The following CNTN5 variants were observed in gnomAD, a reference collection of about 807,000 sequenced individuals.
CNTN5 encodes the protein contactin-5.
In CNTN5, 77 loss-of-function variants were observed where a neutral mutation model predicts 129.1. The ratio of observed to expected loss-of-function variants is 0.60; its 90% CI spans 0.50 to 0.72. The LOEUF (loss-of-function observed/expected upper bound fraction) is 0.72, where lower values mean the gene tolerates loss of function less well. Ranked by LOEUF, CNTN5 falls within the 30% of genes least tolerant of loss-of-function variation. CNTN5 has a pLI of 0.00. For missense variants in CNTN5, 1,478 were observed against 1,328.8 expected, an observed-to-expected ratio of 1.11 and a Z score of -1.75; for synonymous variants, 509 against 465.6, an observed-to-expected ratio of 1.09 and a Z score of -1.20.
intron 4 of CNTN5, among the ~76,000 whole-genome samples, chr11:99,829,580 C>T (rs1328916864): frequency 6.6e-6 from 1 of 152,144 alleles, no homozygotes; most frequent in Non-Finnish European, 1.5e-5. Flanking sequence ...CCAGAAAAGT[C>T]CTCAGTATCT....
At chr11:100,117,891 A>G (rs1209758334) in intron 13 of CNTN5, among the ~76,000 whole-genome samples, 2 of 151,892 alleles carry the variant, frequency 1.3e-5, no homozygotes, top group African/African-American at 4.8e-5. Flanking sequence ...TGTATAATGT[A>G]TCTTGGGCTA....
At chr11:99,316,297 C>T (rs569197658) in intron 1 of CNTN5, among the ~76,000 whole-genome samples, 46 of 152,210 alleles carry the variant, frequency 3.0e-4, no homozygotes, top group African/African-American at 1.1e-3. Context: ...TCCCATCCCT[C>T]GAAAAAGACA....
chr11:99,194,991 T>G (rs1446401567), intron 1 of CNTN5, among the ~76,000 whole-genome samples: 1 of 152,124 alleles, frequency 6.6e-6, no homozygotes, highest in Non-Finnish European at 1.5e-5. Flanking sequence ...GTGACAGAAT[T>G]TACAGCCCCC....
At chr11:99,479,706 C>T (rs913854199) in intron 2 of CNTN5, among the ~76,000 whole-genome samples, 6 of 151,866 alleles carry the variant, frequency 4.0e-5, no homozygotes, top group Non-Finnish European at 8.8e-5. Flanking sequence ...GGCTCCGGTT[C>T]TCTAAATATG....
At chr11:99,518,837 C>A (rs533675882) in intron 2 of CNTN5, among the ~76,000 whole-genome samples, 1 of 152,118 alleles carries the variant, frequency 6.6e-6, no homozygotes, top group African/African-American at 2.4e-5. Flanking sequence ...ACCTCCAGTG[C>A]AACACTTTAC....
chr11:99,580,107 G>T (rs1222376176), intron 3 of CNTN5, among the ~76,000 whole-genome samples: 2 of 152,112 alleles, frequency 1.3e-5, no homozygotes, highest in East Asian at 3.9e-4. Context: ...TTTGTCTTTG[G>T]TTCTGTTTAG....
rs568855148 is a variant in CNTN5, at chr11:99,248,555, G to A, written c.-209-76791G>A. 3.6e-3 allele frequency among the ~76,000 whole-genome samples: 550 copies of A among 152,174 alleles called. 3 individuals are homozygous for A. The highest frequency in any genetic ancestry group is 0.011 in the African/African-American group (471 of 41,532). ...CCTTGCCCATGCCTATGTCCTGAAT[G>A]GTATTGCCTAGGTTTTCTTCTAGGA... On this transcript the variant is annotated intron_variant, in intron 1 of 24. Coordinates refer to ENST00000524871, the MANE Select transcript of CNTN5 (RefSeq NM_014361.4).
At chr11:99,433,081 A>G (rs11219885) in intron 2 of CNTN5, among the ~76,000 whole-genome samples, 27,967 of 151,162 alleles carry the variant, frequency 0.19, 2,750 homozygotes, top group Middle Eastern at 0.31. Context: ...GGAACTTTTC[A>G]GAGGATGGAA....
intron 3 of CNTN5, among the ~76,000 whole-genome samples, chr11:99,717,092 T>C (rs77310610): frequency 0.022 from 3,389 of 152,162 alleles, 127 homozygotes; most frequent in African/African-American, 0.076. Context: ...AACCCACAAA[T>C]TGTATATTGT....
rs141480206 is a variant in CNTN5, at chr11:100,040,800, G to T, written c.981-20412G>T. ...CAAGTGCGGGATATAATCTCCTGGT[G>T]TGCCATTTTTTTAAGCCCATTGGAA... On this transcript the variant is annotated intron_variant, in intron 9 of 24. Coordinates refer to ENST00000524871, the MANE Select transcript of CNTN5 (RefSeq NM_014361.4). Among the ~76,000 whole-genome samples, 1,345 of 152,282 alleles carry T rather than the reference G, an allele frequency of 8.8e-3. 6 individuals are homozygous for T. The highest frequency in any genetic ancestry group is 0.018 in the South Asian group (87 of 4,808).
At chr11:99,638,447 C>A (rs1951645409) in intron 3 of CNTN5, among the ~76,000 whole-genome samples, 1 of 152,100 alleles carries the variant, frequency 6.6e-6, no homozygotes, top group African/African-American at 2.4e-5. Flanking sequence ...TCAACAGTCC[C>A]CCAAACTCTC....
At chr11:99,335,408 T>C (rs960458398) in intron 2 of CNTN5, among the ~76,000 whole-genome samples, 2 of 152,088 alleles carry the variant, frequency 1.3e-5, no homozygotes, top group Non-Finnish European at 2.9e-5. Flanking sequence ...ACATTTTTTA[T>C]AATAAAATTG....
intron 6 of CNTN5, among the ~76,000 whole-genome samples, chr11:99,874,007 A>C (rs1948571212): frequency 6.6e-6 from 1 of 152,144 alleles, no homozygotes; most frequent in Non-Finnish European, 1.5e-5. Flanking sequence ...TGGGAGCTAA[A>C]CAATGGGTAA....
At chr11:99,298,720 T>C (rs1259246007) in intron 1 of CNTN5, among the ~76,000 whole-genome samples, 1 of 152,110 alleles carries the variant, frequency 6.6e-6, no homozygotes, top group African/African-American at 2.4e-5. Flanking sequence ...GATTAAAAAC[T>C]GCCTAAATCC....
intron 13 of CNTN5, among the ~76,000 whole-genome samples, chr11:100,173,713 T>G (rs1202313009): frequency 1.3e-5 from 2 of 152,124 alleles, no homozygotes; most frequent in Non-Finnish European, 2.9e-5. Flanking sequence ...TCCACAGACA[T>G]CACAGGTGTG....
chr11:99,356,157 C>T (rs1384261933), intron 2 of CNTN5, among the ~76,000 whole-genome samples: 1 of 150,706 alleles, frequency 6.6e-6, no homozygotes, highest in South Asian at 2.1e-4. Flanking sequence ...CCAATACGGA[C>T]ATTTTTTACA....
At chr11:99,677,064 A>G (rs1454634322) in intron 3 of CNTN5, among the ~76,000 whole-genome samples, 2 of 149,084 alleles carry the variant, frequency 1.3e-5, no homozygotes, top group Non-Finnish European at 3.0e-5. Context: ...TAAAATAAAA[A>G]CGTTCTAAAT....
At chr11:100,046,415 G>A (rs1171450108) in intron 9 of CNTN5, among the ~76,000 whole-genome samples, 1 of 152,088 alleles carries the variant, frequency 6.6e-6, no homozygotes, top group Non-Finnish European at 1.5e-5. Context: ...TAATCTTTGT[G>A]ATTTAAGACA....
intron 13 of CNTN5, among the ~76,000 whole-genome samples, chr11:100,134,353 G>A (rs543598385): frequency 5.9e-5 from 9 of 152,008 alleles, no homozygotes; most frequent in Non-Finnish European, 1.0e-4. Flanking sequence ...ATGAAATTCA[G>A]CCTCCACATT....
Sources: gnomAD v4.1 joint callset for allele counts (sites outside exome capture counted in the v4.1 genomes callset) on GRCh38, gnomAD v4.1.1 for gene constraint, MANE v1.5 for transcripts, NCBI Gene and HGNC (gene_info 2026-07-23, HGNC 2026-07-21) for gene names.